WDPCP: variants seen among roughly 807,000 people sequenced by gnomAD.
WDPCP encodes the protein WD repeat-containing and planar cell polarity effector protein fritz homolog.
WDPCP carries 71 observed loss-of-function variants against 93.1 expected under a neutral mutation model. The ratio of observed to expected loss-of-function variants is 0.76; its 90% confidence interval spans 0.63 to 0.93. The LOEUF is 0.93. Ranked by LOEUF, WDPCP falls within the 40% of genes least tolerant of loss-of-function variation. The pLI is 0.00. For synonymous variants in WDPCP, 315 were observed against 315.0 expected, an observed-to-expected ratio of 1.00 and a Z score of 0.00; for missense variants, 844 against 887.4, an observed-to-expected ratio of 0.95 and a Z score of 0.62.
At chr2:63,587,247 G>C (rs1422125063) in intron 1 of WDPCP, among the ~76,000 whole-genome samples, 1 of 152,148 alleles carries the variant, frequency 6.6e-6, no homozygotes, top group Non-Finnish European at 1.5e-5. Flanking sequence ...AGCTCACTGA[G>C]GGATTTAGTA....
In WDPCP at chr2:63,748,780, G is replaced by A. The variant is rs114841725; in HGVS notation, n.308+64842C>T. Among the ~76,000 whole-genome samples, 626 of 152,080 alleles carry A rather than the reference G, an allele frequency of 4.1e-3. 3 individuals are homozygous for A. Among genetic ancestry groups the A allele is most frequent in the African/African-American group, 0.014 (586 of 41,510 alleles). On this transcript the variant is annotated intron_variant and non_coding_transcript_variant, in intron 2 of 4. Coordinates refer to the WDPCP transcript ENST00000467687. ...TCACTCATGGTGCTTTTGTTCACTC[G>A]TATATTTTGTTGTGTTTTTGTTGTG... is the stretch of plus-strand genomic sequence containing the variant.
chr2:63,285,197 A>C (rs989983075), intron 13 of WDPCP, among the ~76,000 whole-genome samples: 83 of 152,300 alleles, frequency 5.4e-4, no homozygotes, highest in African/African-American at 2.0e-3. Flanking sequence ...TTGGGAGGCC[A>C]AGGGCGGCGG....
At chr2:63,196,264 T>C (rs533971399) in intron 14 of WDPCP, among the ~76,000 whole-genome samples, 8 of 152,294 alleles carry the variant, frequency 5.3e-5, no homozygotes, top group Middle Eastern at 3.4e-3. Flanking sequence ...ATATGTACAA[T>C]GGACTGGGGA....
At chr2:63,545,824 CCT>C (rs1003308914) in intron 1 of WDPCP, among the ~76,000 whole-genome samples, 34 of 151,438 alleles carry the variant, frequency 2.2e-4, no homozygotes, top group African/African-American at 8.0e-4. Context: ...TCTTCCAGCC[CCT>C]CTCGTTTCTT....
intron 2 of WDPCP, among the ~76,000 whole-genome samples, chr2:63,739,731 C>A (rs1669687628): frequency 6.6e-6 from 1 of 151,994 alleles, no homozygotes; most frequent in South Asian, 2.1e-4. Flanking sequence ...GACAACCTTG[C>A]CAGTATCTGT....
At chr2:63,263,148 ACATATCT>A (rs1269721821) in intron 13 of WDPCP, among the ~76,000 whole-genome samples, 2 of 152,190 alleles carry the variant, frequency 1.3e-5, no homozygotes, top group Non-Finnish European at 2.9e-5. Context: ...CTGGTGAAAG[ACATATCT>A]AGTATCTATA....
intron 1 of WDPCP, among the ~76,000 whole-genome samples, chr2:63,502,371 C>T (rs2106017178): frequency 6.6e-6 from 1 of 152,278 alleles, no homozygotes; most frequent in South Asian, 2.1e-4. Flanking sequence ...TATACATACA[C>T]ACTTTACATT....
At chr2:63,185,924 C>T (rs181011464) in intron 14 of WDPCP, among the ~76,000 whole-genome samples, 1 of 151,066 alleles carries the variant, frequency 6.6e-6, no homozygotes, top group Non-Finnish European at 1.5e-5. Context: ...CCGGCCCCCC[C>T]ACCTCCCAAA....
intron 7 of WDPCP, among the ~76,000 whole-genome samples, chr2:63,439,552 C>T (rs1226719824): frequency 6.6e-6 from 1 of 152,018 alleles, no homozygotes; most frequent in East Asian, 1.9e-4. Flanking sequence ...AGAATATAAG[C>T]TTAACAGTTG....
chr2:63,579,048 G>C (rs997562911), intron 1 of WDPCP, among the ~76,000 whole-genome samples: 1 of 152,116 alleles, frequency 6.6e-6, no homozygotes, highest in East Asian at 1.9e-4. Flanking sequence ...ATCTGAGGTG[G>C]TCTCTGTTCC....
intron 14 of WDPCP, among the ~76,000 whole-genome samples, chr2:63,201,680 G>A (rs1409377119): frequency 1.3e-5 from 2 of 151,990 alleles, no homozygotes; most frequent in Non-Finnish European, 1.5e-5. Flanking sequence ...TATTGTGGGG[G>A]GAGCACTTTA....
At chr2:63,416,494 T>TTGGC (rs1322649636) in intron 9 of WDPCP, among the ~76,000 whole-genome samples, 5 of 55,186 alleles carry the variant, frequency 9.1e-5, no homozygotes, top group South Asian at 5.2e-4. Context: ...GCCACCACAC[T>TTGGC]TGGATATGAC....
chr2:63,454,518 T>C (rs901184619), intron 6 of WDPCP, among the ~76,000 whole-genome samples: 4 of 145,746 alleles, frequency 2.7e-5, no homozygotes, highest in African/African-American at 1.1e-4. Context: ...AAAATAAAAA[T>C]AAAAAAATAA....
chr2:63,316,668 A>G (rs1575125440), intron 12 of WDPCP, among the ~76,000 whole-genome samples: 2 of 152,040 alleles, frequency 1.3e-5, no homozygotes, highest in South Asian at 4.1e-4. Flanking sequence ...AAATAAATAA[A>G]TAAATAAAAA....
chr2:63,709,195 A>G (rs939776351), intron 2 of WDPCP, among the ~76,000 whole-genome samples: 2 of 130,608 alleles, frequency 1.5e-5, no homozygotes, highest in Admixed American at 1.6e-4. Context: ...TATGCCTGTA[A>G]TCCCAGATAC....
chr2:63,515,555 T>C (rs1702497519), intron 1 of WDPCP, among the ~76,000 whole-genome samples: 2 of 152,198 alleles, frequency 1.3e-5, no homozygotes, highest in African/African-American at 2.4e-5. Flanking sequence ...AAAAGTGCAA[T>C]TTGCCTTTAG....
At chr2:63,539,544 T>C (rs1704555934) in intron 1 of WDPCP, among the ~76,000 whole-genome samples, 2 of 152,130 alleles carry the variant, frequency 1.3e-5, no homozygotes, top group Non-Finnish European at 1.5e-5. Flanking sequence ...ATACAGAAAT[T>C]AGCCAGGTGT....
intron 15 of WDPCP, among the ~76,000 whole-genome samples, chr2:63,170,298 A>G (rs910033216): frequency 7.4e-6 from 1 of 135,640 alleles, no homozygotes; most frequent in Non-Finnish European, 1.6e-5. Flanking sequence ...TCTGAGATGG[A>G]GTCTCACTCT....
At chr2:63,149,677 A>G (rs1406138531) in intron 17 of WDPCP, among the ~76,000 whole-genome samples, 1 of 152,232 alleles carries the variant, frequency 6.6e-6, no homozygotes, top group Non-Finnish European at 1.5e-5. Flanking sequence ...CTACATCTAC[A>G]TATGTCAGCA....
Sources: gnomAD v4.1 joint callset for allele counts (sites outside exome capture counted in the v4.1 genomes callset) on GRCh38, gnomAD v4.1.1 for gene constraint, MANE v1.5 for transcripts, NCBI Gene and HGNC (gene_info 2026-07-23, HGNC 2026-07-21) for gene names.